Variants in RBM6 observed in about 807,000 individuals in gnomAD.
RBM6 encodes the protein RNA-binding protein 6.
In RBM6, 23 loss-of-function variants were observed where a neutral mutation model predicts 140.4. The ratio of observed to expected loss-of-function variants is 0.16; its 90% CI spans 0.12 to 0.23. The LOEUF is 0.23. Ranked by LOEUF, RBM6 falls within the 10% of genes least tolerant of loss-of-function variation. The pLI is 1.00. For missense variants in RBM6, 1,139 were observed against 1,386.7 expected (o/e 0.82, Z 2.84); for synonymous variants, 439 against 475.6 (o/e 0.92, Z 1.00).
intron 6 of RBM6, among the ~76,000 whole-genome samples, chr3:50,040,463 AAAAAAAAAAT>A (rs1311122471): frequency 3.5e-3 from 182 of 51,448 alleles, no homozygotes; most frequent in East Asian, 0.031. Flanking sequence ...AAAAAAAAAA[AAAAAAAAAAT>A]ATATATATAT....
chr3:50,030,982 A>G (rs568128107), intron 6 of RBM6, among the ~76,000 whole-genome samples: 222 of 152,346 alleles, frequency 1.5e-3, no homozygotes, highest in Admixed American at 3.3e-3. Flanking sequence ...GAGTAAGACC[A>G]TCAGAGAAAT....
At chr3:50,018,124 T>G (rs919542423) in intron 6 of RBM6, among the ~76,000 whole-genome samples, 3 of 152,232 alleles carry the variant, frequency 2.0e-5, no homozygotes, top group African/African-American at 4.8e-5. Context: ...TCCACCATTA[T>G]AGTATCATAC....
chr3:50,018,334 A>G (rs2087279030), intron 6 of RBM6, among the ~76,000 whole-genome samples: 1 of 152,120 alleles, frequency 6.6e-6, no homozygotes, highest in Admixed American at 6.6e-5. Context: ...ATGTAGTCTC[A>G]TTCCTCTATG....
chr3:50,036,568 CATG>C (rs1223438401), intron 6 of RBM6, among the ~76,000 whole-genome samples: 2 of 152,064 alleles, frequency 1.3e-5, no homozygotes, highest in African/African-American at 2.4e-5. Context: ...TTGTAGCAGC[CATG>C]ATATTATAGC....
At chr3:50,048,709 C>T (rs1434905400) in intron 7 of RBM6, among the ~76,000 whole-genome samples, 5 of 152,128 alleles carry the variant, frequency 3.3e-5, no homozygotes, top group Admixed American at 2.0e-4. Flanking sequence ...TTTGGATATT[C>T]TTGGGTTTCC....
chr3:50,014,526 G>C (rs2087015822), intron 6 of RBM6, among the ~76,000 whole-genome samples: 1 of 152,198 alleles, frequency 6.6e-6, no homozygotes, highest in Non-Finnish European at 1.5e-5. Flanking sequence ...TATTGAAAAT[G>C]CAAGTGCAGA....
intron 1 of RBM6, among the ~76,000 whole-genome samples, chr3:49,945,076 C>T (rs775656609): frequency 1.3e-5 from 2 of 151,360 alleles, no homozygotes; most frequent in East Asian, 3.9e-4. Context: ...GGGGTTTCAC[C>T]GTGTTAGCCA....
chr3:49,965,259 A>G (rs1479418849), intron 2 of RBM6, among the ~76,000 whole-genome samples: 1 of 152,210 alleles, frequency 6.6e-6, no homozygotes, highest in South Asian at 2.1e-4. Flanking sequence ...TCCTCATCCC[A>G]TGAGTGTCTG....
At chr3:50,029,318 T>C (rs1285991009) in intron 6 of RBM6, among the ~76,000 whole-genome samples, 6 of 152,118 alleles carry the variant, frequency 3.9e-5, no homozygotes, top group Admixed American at 6.6e-5. Flanking sequence ...TAGGAGTAGA[T>C]GTGGAAGGAA....
intron 5 of RBM6, among the ~76,000 whole-genome samples, chr3:49,987,831 G>C (rs2085634679): frequency 6.6e-6 from 1 of 152,078 alleles, no homozygotes. Context: ...TAGAGATGGG[G>C]TTTTGCCGTG....
At chr3:49,944,044 TTAG>T (rs1258118248) in intron 1 of RBM6, among the ~76,000 whole-genome samples, 11 of 152,178 alleles carry the variant, frequency 7.2e-5, no homozygotes, top group African/African-American at 2.7e-4. Flanking sequence ...AGTGTGCTAC[TTAG>T]TAGTAGTAAG....
chr3:49,961,922 G>A (rs1446885079), intron 1 of RBM6, among the ~76,000 whole-genome samples: 1 of 150,872 alleles, frequency 6.6e-6, no homozygotes, highest in Non-Finnish European at 1.5e-5. Flanking sequence ...TTGGGAGGCC[G>A]AGGCGGGCGG....
chr3:50,040,483 TATATATATATACAC>T (rs1280982274), intron 6 of RBM6, among the ~76,000 whole-genome samples: 13 of 116,226 alleles, frequency 1.1e-4, no homozygotes, highest in Middle Eastern at 4.7e-3. Flanking sequence ...TATATATATA[TATATATATATACAC>T]ACACACACAC....
At chr3:50,042,712 C>T (rs1013388182) in intron 6 of RBM6, among the ~76,000 whole-genome samples, 4 of 152,016 alleles carry the variant, frequency 2.6e-5, no homozygotes, top group African/African-American at 7.2e-5. Flanking sequence ...CTCTATCTAG[C>T]CTCCAACCTG....
At chr3:50,075,099 T>G in intron 19 of RBM6, 102 bp from the exon 20 acceptor site, 1 of 1,359,352 alleles carries the variant, frequency 7.4e-7, no homozygotes. Context: ...GAGGTTGCAG[T>G]AAGCTGAGTT....
intron 18 of RBM6, 93 bp from the exon 19 acceptor site, chr3:50,070,362 A>AAAT (rs1327812466): frequency 2.1e-6 from 2 of 943,184 alleles, no homozygotes; most frequent in South Asian, 1.4e-5. Flanking sequence ...CTCAAGAAAA[A>AAAT]AATAATAATA....
intron 1 of RBM6, among the ~76,000 whole-genome samples, chr3:49,957,415 C>T (rs142792205): frequency 3.9e-3 from 594 of 151,286 alleles, no homozygotes; most frequent in Non-Finnish European, 5.6e-3. Context: ...CAGTGCTTGT[C>T]GTGCTAGGAC....
In RBM6 at chr3:50,054,328, CTT is replaced by C; in HGVS notation, c.1633-6_1633-5del. 6.2e-7 allele frequency: 1 copy of C among 1,606,594 alleles called. No homozygotes were observed. Among genetic ancestry groups the C allele is most frequent in the South Asian group, 1.1e-5 (1 of 90,860 alleles). ...TTCAGTCAAATTGATTTCCTTCTTC[CTT>C]ACAGTGTAAGGCAAACATTGGTGGG... On this transcript the variant is annotated splice_region_variant and splice_polypyrimidine_tract_variant and intron_variant, in intron 7 of 20. Coordinates refer to ENST00000266022, the MANE Select transcript of RBM6 (RefSeq NM_005777.3).
At chr3:49,954,995 G>C (rs1318534434) in intron 1 of RBM6, among the ~76,000 whole-genome samples, 1 of 151,902 alleles carries the variant, frequency 6.6e-6, no homozygotes, top group Non-Finnish European at 1.5e-5. Context: ...TCCTGACCTC[G>C]TGATCCGCCT....
Sources: gnomAD v4.1 joint callset for allele counts (sites outside exome capture counted in the v4.1 genomes callset) on GRCh38, gnomAD v4.1.1 for gene constraint, MANE v1.5 for transcripts, NCBI Gene and HGNC (gene_info 2026-07-23, HGNC 2026-07-21) for gene names.